UGGT2: variants seen among roughly 807,000 people sequenced by gnomAD.
UGGT2 encodes UDP-glucose:glycoprotein glucosyltransferase 2.
In UGGT2, 180 loss-of-function variants were observed where a neutral mutation model predicts 192.1. The observed-to-expected ratio is 0.94, with a 90% confidence interval of 0.83 to 1.06. The LOEUF (loss-of-function observed/expected upper bound fraction) is 1.06, where lower values mean the gene tolerates loss of function less well. Among genes scored for constraint, UGGT2 ranks in the 50% least tolerant of loss-of-function variants. UGGT2 has a pLI of 0.00. For missense variants in UGGT2, 1,849 were observed against 1,795.7 expected (o/e 1.03, Z -0.54); for synonymous variants, 580 against 591.0 (o/e 0.98, Z 0.27).
At position 95,947,111 on chromosome 13, in the gene UGGT2, C is replaced by T. The variant is rs1206297999; in HGVS notation, c.1603G>A (p.Val535Ile). 1.2e-6 allele frequency: 2 copies of T among 1,611,646 alleles called. No homozygotes were observed. The highest frequency in any genetic ancestry group is 1.7e-6 in the Non-Finnish European group (2 of 1,179,274). Residue 535 changes from valine (V) to isoleucine (I), a missense_variant, in exon 15 of 39, where the codon GTT becomes ATT. Coordinates refer to ENST00000376747, the MANE Select transcript of UGGT2 (RefSeq NM_020121.4). The stretch of plus-strand genomic sequence containing the variant: ...TAGTTGAAAGCTCGCCAGAGAGCAA[C>T]TCCAGCATCATTTGCTCCATCAACT... Reference protein sequence around the residue: ...DEVDGANDAGVALWRAFNYIA... With the variant: ...DEVDGANDAGIALWRAFNYIA...
intron 10 of UGGT2, among the ~76,000 whole-genome samples, chr13:95,978,629 T>C (rs2051016540): frequency 6.6e-6 from 1 of 152,198 alleles, no homozygotes; most frequent in Non-Finnish European, 1.5e-5. Flanking sequence ...ATTTCCCCAA[T>C]GTTTTCTTCT....
At chr13:96,050,831 A>T (rs1032753025) in intron 1 of UGGT2, among the ~76,000 whole-genome samples, 4 of 152,202 alleles carry the variant, frequency 2.6e-5, no homozygotes, top group Non-Finnish European at 5.9e-5. Flanking sequence ...GTCAGGAAAC[A>T]ACAGGTGCTG....
rs1416700192 is a variant in UGGT2 at position 96,053,394 on chromosome 13, G to T, written c.-82C>A. 13 of 1,508,108 alleles carry T rather than the reference G, an allele frequency of 8.6e-6. No individual in the cohort carries two copies. Among genetic ancestry groups the T allele is most frequent in the Non-Finnish European group, 1.1e-5 (13 of 1,136,798 alleles). 93.4% of individuals were successfully genotyped at this position (1,508,108 alleles called of 1,614,324 possible). A position where few individuals can be genotyped will look rare whatever the true frequency, so the allele number is the denominator to read the frequency against. On this transcript the variant is annotated 5_prime_UTR_variant, in exon 1 of 39. Coordinates refer to ENST00000376747, the MANE Select transcript of UGGT2 (RefSeq NM_020121.4). The stretch of plus-strand genomic sequence containing the variant: ...CACGCTTCGGCCGGCTCTTCCCGCT[G>T]CGCGGCTGCCCACTTCCGGTGGGAG...
At chr13:95,827,871 T>C (rs148226494) in intron 38 of UGGT2, among the ~76,000 whole-genome samples, 106 of 152,242 alleles carry the variant, frequency 7.0e-4, no homozygotes, top group African/African-American at 2.4e-3. Flanking sequence ...AAGCAGATCG[T>C]GAGTTCCAGC....
chr13:95,925,935 G>A (rs7985727), intron 19 of UGGT2, among the ~76,000 whole-genome samples, 161 bp from the exon 20 acceptor site: 111,964 of 151,792 alleles, frequency 0.74, 42,170 homozygotes, highest in Non-Finnish European at 0.81. Context: ...ATGCAAGTAC[G>A]TATATATACA....
At position 95,999,253 on chromosome 13, in the gene UGGT2, T is replaced by A. The variant is rs776458018; in HGVS notation, c.715A>T (p.Lys239Ter). The A allele has an allele frequency of 6.2e-7, 1 of 1,613,704 alleles. No individual in the cohort carries two copies. Among genetic ancestry groups the A allele is most frequent in the Non-Finnish European group, 8.5e-7 (1 of 1,179,754 alleles). The change falls in exon 6 of 39, where the codon AAG becomes TAG. Residue 239 changes from lysine to a stop codon, truncating the protein, a stop_gained. Coordinates refer to ENST00000376747, the MANE Select transcript of UGGT2 (RefSeq NM_020121.4). LOFTEE classifies it high-confidence loss of function. ...TCCAGTGCTTTGTATTCTGTACTCT[T>A]AATTGCTAGCTCCACACCATACCCA... ...LSGYGVELAI[K>*]STEYKALDDT...
chr13:96,003,562 T>C (rs776161296), intron 5 of UGGT2, among the ~76,000 whole-genome samples: 5 of 152,216 alleles, frequency 3.3e-5, no homozygotes, highest in Non-Finnish European at 5.9e-5. Flanking sequence ...CTGTATGAGT[T>C]CTTGGGCATA....
At chr13:95,948,141 G>C (rs2049939174) in intron 13 of UGGT2, 60 bp from the exon 14 acceptor site, 1 of 1,318,044 alleles carries the variant, frequency 7.6e-7, no homozygotes. Context: ...TGAAATTCAA[G>C]TTTAGACTAA....
chr13:96,036,742 A>C (rs1369646056), intron 1 of UGGT2, among the ~76,000 whole-genome samples: 1 of 152,136 alleles, frequency 6.6e-6, no homozygotes, highest in Non-Finnish European at 1.5e-5. Flanking sequence ...AAAAGGTAAG[A>C]TATTACCTTT....
intron 31 of UGGT2, among the ~76,000 whole-genome samples, chr13:95,862,118 T>C (rs1890223478): frequency 6.6e-6 from 1 of 152,114 alleles, no homozygotes; most frequent in African/African-American, 2.4e-5. Context: ...CCAAATCATC[T>C]CAATGAGTGG....
chr13:95,896,792 T>G (rs1172733304), intron 22 of UGGT2, among the ~76,000 whole-genome samples: 1 of 152,074 alleles, frequency 6.6e-6, no homozygotes, highest in South Asian at 2.1e-4. Context: ...AATGTCCAAG[T>G]TGGGTAAAAG....
chr13:95,802,546 G>C (rs999600928), intron 38 of UGGT2, among the ~76,000 whole-genome samples: 2 of 152,204 alleles, frequency 1.3e-5, no homozygotes, highest in Non-Finnish European at 2.9e-5. Flanking sequence ...TTGGGGCAAA[G>C]TTACCAATGA....
intron 24 of UGGT2, among the ~76,000 whole-genome samples, 178 bp downstream of exon 24, chr13:95,894,384 C>T (rs919918088): frequency 1.3e-5 from 2 of 152,076 alleles, no homozygotes; most frequent in African/African-American, 4.8e-5. Context: ...ATATATTACC[C>T]TTTATTTACT....
In UGGT2 at chr13:95,873,796, G is replaced by A. The variant is rs187767324; in HGVS notation, c.3473+3483C>T. Among the ~76,000 whole-genome samples, 42 of 152,270 alleles carry A rather than the reference G, an allele frequency of 2.8e-4. No homozygotes were observed. The East Asian group carries it at 6.0e-3, about 22-fold the overall frequency. The stretch of plus-strand genomic sequence containing the variant: ...TCGAGGATGCTGGGGAGAACACAAT[G>A]TTGGGTTCCCAGTGTCACCGCGATG... On this transcript the variant is annotated intron_variant, in intron 29 of 38. Coordinates refer to ENST00000376747, the MANE Select transcript of UGGT2 (RefSeq NM_020121.4).
intron 6 of UGGT2, among the ~76,000 whole-genome samples, chr13:95,998,829 T>C (rs1479316782): frequency 2.0e-5 from 3 of 152,138 alleles, no homozygotes; most frequent in African/African-American, 7.2e-5. Flanking sequence ...AATAAATATT[T>C]CAGACAAAAC....
At chr13:95,923,010 C>T (rs944249627) in intron 20 of UGGT2, among the ~76,000 whole-genome samples, 1 of 152,052 alleles carries the variant, frequency 6.6e-6, no homozygotes, top group Non-Finnish European at 1.5e-5. Flanking sequence ...TAAAAATTAT[C>T]GGGAGTCTAA....
At chr13:95,822,324 T>C (rs1885592392) in intron 38 of UGGT2, among the ~76,000 whole-genome samples, 2 of 152,146 alleles carry the variant, frequency 1.3e-5, no homozygotes, top group Non-Finnish European at 2.9e-5. Flanking sequence ...GATTGACTTC[T>C]TGATTTGTGT....
chr13:95,902,762 A>C, intron 21 of UGGT2, 92 bp downstream of exon 21: 1 of 1,212,240 alleles, frequency 8.2e-7, no homozygotes, highest in Non-Finnish European at 1.2e-6. Context: ...GTTTAAATCT[A>C]CCATTGTTTT....
At chr13:96,046,285 TAGG>T (rs1181463208) in intron 1 of UGGT2, among the ~76,000 whole-genome samples, 2 of 152,284 alleles carry the variant, frequency 1.3e-5, no homozygotes, top group African/African-American at 4.8e-5. Context: ...AAGCCACATG[TAGG>T]AGAATGAAAC....
Sources: gnomAD v4.1 joint callset for allele counts (sites outside exome capture counted in the v4.1 genomes callset) on GRCh38, gnomAD v4.1.1 for gene constraint, MANE v1.5 for transcripts, NCBI Gene and HGNC (gene_info 2026-07-23, HGNC 2026-07-21) for gene names.